The following DENND4A variants were observed in gnomAD, a reference collection of about 807,000 sequenced individuals.
The protein encoded by DENND4A is DENN domain containing 4A.
A neutral mutation model predicts 199.3 loss-of-function variants in DENND4A; 70 were observed. The ratio of observed to expected loss-of-function variants is 0.35; its 90% CI spans 0.29 to 0.43. The LOEUF (loss-of-function observed/expected upper bound fraction) is 0.43, where lower values mean the gene tolerates loss of function less well. Among genes scored for constraint, DENND4A ranks in the 20% least tolerant of loss-of-function variants. The pLI, the probability that DENND4A is intolerant of heterozygous loss-of-function variation, is 1.00. For missense variants in DENND4A, 1,723 were observed against 2,255.8 expected (o/e 0.76, Z 4.78); for synonymous variants, 686 against 766.9 (o/e 0.89, Z 1.74).
At chr15:65,784,192 C>T (rs1480395659) in intron 1 of DENND4A, among the ~76,000 whole-genome samples, 2 of 152,122 alleles carry the variant, frequency 1.3e-5, no homozygotes, top group African/African-American at 4.8e-5. Context: ...ACCAATACTC[C>T]TCAAAACCAT....
chr15:65,730,249 A>G (rs2075919905), intron 9 of DENND4A, among the ~76,000 whole-genome samples: 1 of 152,182 alleles, frequency 6.6e-6, no homozygotes, highest in Non-Finnish European at 1.5e-5. Flanking sequence ...AATGAAAACA[A>G]TAAACTTAGG....
rs750458085 is a variant in DENND4A, at chr15:65,696,459, G to A, written c.2989C>T (p.Leu997Phe). 1 of 1,612,484 alleles carries A rather than the reference G, an allele frequency of 6.2e-7. No individual in the cohort carries two copies. Among genetic ancestry groups the A allele is most frequent in the East Asian group, 2.2e-5 (1 of 44,808 alleles). The change falls in exon 22 of 33, where the codon CTT becomes TTT. Residue 997 changes from leucine to phenylalanine, a missense_variant. Transcript: ENST00000443035. ...GAATTTTGATAACTGAGCTTAGGAA[G>A]GCAATCAGCACTTCCTTTTGTACTC... is the stretch of plus-strand genomic sequence containing the variant. The part of the protein sequence containing the change: ...SESTKGSADC[L>F]PKLSYQNSSS...
intron 2 of DENND4A, among the ~76,000 whole-genome samples, chr15:65,759,090 T>G (rs906304045): frequency 1.3e-5 from 2 of 152,234 alleles, no homozygotes; most frequent in African/African-American, 4.8e-5. Flanking sequence ...TTTTCTATAT[T>G]GCTAATGTCA....
intron 32 of DENND4A, 113 bp from the exon 33 acceptor site, chr15:65,662,100 G>T: frequency 3.7e-6 from 3 of 815,838 alleles, no homozygotes; most frequent in Non-Finnish European, 5.6e-6. Context: ...AGAAGGAATT[G>T]CTAGGACATT....
At chr15:65,677,990 T>C (rs1360935508) in intron 23 of DENND4A, among the ~76,000 whole-genome samples, 2 of 147,640 alleles carry the variant, frequency 1.4e-5, no homozygotes, top group Non-Finnish European at 3.0e-5. Context: ...TGCAGTGGCA[T>C]GATCTTGGCT....
intron 27 of DENND4A, among the ~76,000 whole-genome samples, chr15:65,668,830 AAAAG>A (rs2076129333): frequency 6.6e-6 from 1 of 152,138 alleles, no homozygotes; most frequent in Non-Finnish European, 1.5e-5. Flanking sequence ...CAAAAAAAAA[AAAAG>A]AATCAGAGCT....
chr15:65,674,459 G>T (rs981042449), intron 24 of DENND4A, among the ~76,000 whole-genome samples: 3 of 152,160 alleles, frequency 2.0e-5, no homozygotes, highest in Non-Finnish European at 2.9e-5. Context: ...ATTTGTGAAC[G>T]TATTGACATT....
intron 1 of DENND4A, among the ~76,000 whole-genome samples, chr15:65,779,650 T>C (rs902235347): frequency 6.7e-6 from 1 of 150,324 alleles, no homozygotes; most frequent in African/African-American, 2.5e-5. Flanking sequence ...AGCTAGGTGG[T>C]GTTTTTCGTT....
intron 4 of DENND4A, among the ~76,000 whole-genome samples, chr15:65,742,461 T>C (rs1219067811): frequency 1.3e-5 from 2 of 151,718 alleles, no homozygotes; most frequent in Non-Finnish European, 2.9e-5. Context: ...TTTTTTTTTT[T>C]TTTTTTGAGA....
rs1278529741 is a variant in DENND4A at position 65,691,441 on chromosome 15, T to C, written c.3153A>G (p.Arg1051=). The change falls in exon 23 of 33, where the codon AGA becomes AGG. Residue 1051 remains arginine, a synonymous_variant. Coordinates refer to ENST00000443035, the MANE Select transcript of DENND4A (RefSeq NM_001320835.1). ...DTNETRNIQS[R]CFRKRHKSDN... is the part of the protein sequence containing the mutation. Reference sequence around the variant, plus strand: ...CACTTTTATGTCTTTTCCTGAAGCATCTACTTTGAATGTTTCGTGTTTCAT... The same window carrying C: ...CACTTTTATGTCTTTTCCTGAAGCACCTACTTTGAATGTTTCGTGTTTCAT... 6.2e-7 allele frequency: 1 copy of C among 1,613,368 alleles called. No homozygotes were observed. The highest frequency in any genetic ancestry group is 1.3e-5 in the African/African-American group (1 of 75,046).
intron 21 of DENND4A, 105 bp downstream of exon 21, chr15:65,697,162 T>C (rs2077174562): frequency 4.3e-6 from 3 of 692,778 alleles, no homozygotes; most frequent in Non-Finnish European, 7.2e-6. Flanking sequence ...GAAAGAGTTA[T>C]AATGGAAAAA....
intron 13 of DENND4A, among the ~76,000 whole-genome samples, chr15:65,716,808 G>A (rs1001939996): frequency 1.3e-5 from 2 of 151,860 alleles, no homozygotes; most frequent in South Asian, 2.1e-4. Context: ...CTAGATCCCT[G>A]AGGAATCGCC....
At chr15:65,718,130 A>T (rs927973557) in intron 12 of DENND4A, 134 bp from the exon 13 acceptor site, 1 of 654,164 alleles carries the variant, frequency 1.5e-6, no homozygotes, top group Non-Finnish European at 2.5e-6. Context: ...AATCATACGT[A>T]AACCTTAGCA....
chr15:65,700,793 G>A, intron 19 of DENND4A, 118 bp from the exon 20 acceptor site: 1 of 1,106,602 alleles, frequency 9.0e-7, no homozygotes, highest in Non-Finnish European at 1.2e-6. Context: ...CACATACTTA[G>A]CAAAATACAA....
chr15:65,728,481 CTTTT>C (rs2075872846), intron 11 of DENND4A, among the ~76,000 whole-genome samples: 1 of 143,128 alleles, frequency 7.0e-6, no homozygotes. Context: ...TTCTTTTTTT[CTTTT>C]TCTTTTTTTT....
chr15:65,718,413 G>A (rs79325003), intron 12 of DENND4A, among the ~76,000 whole-genome samples: 6,493 of 151,846 alleles, frequency 0.043, 397 homozygotes, highest in African/African-American at 0.13. Context: ...GATTGTAACC[G>A]AGAAGGCAAT....
intron 29 of DENND4A, among the ~76,000 whole-genome samples, chr15:65,667,061 G>T (rs1437634448): frequency 6.6e-6 from 1 of 152,226 alleles, no homozygotes; most frequent in Non-Finnish European, 1.5e-5. Context: ...GCTGGGCACG[G>T]TGGCTCACGC....
chr15:65,771,953 C>T, intron 1 of DENND4A: 1 of 1,584,464 alleles, frequency 6.3e-7, no homozygotes, highest in Non-Finnish European at 8.6e-7. Flanking sequence ...AAATCTTCAT[C>T]ACCACTATCT....
At chr15:65,763,952 C>T (rs570916144) in intron 1 of DENND4A, among the ~76,000 whole-genome samples, 1 of 152,172 alleles carries the variant, frequency 6.6e-6, no homozygotes, top group African/African-American at 2.4e-5. Context: ...CTTGCTGAAA[C>T]ATTTTTTAAA....
Sources: allele counts gnomAD v4.1 joint callset (sites outside exome capture counted in the v4.1 genomes callset), GRCh38; gene constraint gnomAD v4.1.1; transcripts MANE v1.5; gene names NCBI Gene and HGNC (gene_info 2026-07-23, HGNC 2026-07-21).